The following DGKB variants were observed in gnomAD, a reference collection of about 807,000 sequenced individuals.
DGKB encodes the protein 90 kDa diacylglycerol kinase.
A neutral mutation model predicts 114.3 loss-of-function variants in DGKB; 67 were observed. The ratio of observed to expected loss-of-function variants is 0.59; its 90% confidence interval spans 0.48 to 0.72. DGKB has a LOEUF of 0.72. DGKB is among the 30% of genes least tolerant of loss of function. The pLI is 0.00. For missense variants in DGKB, 907 were observed against 975.2 expected, an observed-to-expected ratio of 0.93 and a Z score of 0.93; for synonymous variants, 398 against 323.1, an observed-to-expected ratio of 1.23 and a Z score of -2.49.
intron 25 of DGKB, chr7:14,176,276 T>A: frequency 1.1e-6 from 1 of 941,696 alleles, no homozygotes; most frequent in African/African-American, 1.8e-5. Flanking sequence ...AATAAAATAT[T>A]CACTATGCAA....
chr7:14,659,804 T>C (rs975966278), intron 13 of DGKB, among the ~76,000 whole-genome samples: 4 of 151,292 alleles, frequency 2.6e-5, no homozygotes, highest in Admixed American at 6.6e-5. Context: ...CATCCCTGTC[T>C]TGTGCCAGTT....
At chr7:14,378,404 A>G (rs1459587446) in intron 21 of DGKB, among the ~76,000 whole-genome samples, 1 of 152,230 alleles carries the variant, frequency 6.6e-6, no homozygotes, top group African/African-American at 2.4e-5. Flanking sequence ...ATGATTATGT[A>G]AGATGCTAAC....
chr7:14,660,528 T>C (rs1053752289), intron 13 of DGKB, among the ~76,000 whole-genome samples: 1 of 152,106 alleles, frequency 6.6e-6, no homozygotes, highest in Non-Finnish European at 1.5e-5. Flanking sequence ...CAGTATTCTC[T>C]GATGGTAGTT....
intron 23 of DGKB, among the ~76,000 whole-genome samples, chr7:14,202,341 C>G (rs1786028015): frequency 6.6e-6 from 1 of 151,910 alleles, no homozygotes; most frequent in Non-Finnish European, 1.5e-5. Flanking sequence ...CCCATGATAT[C>G]ATAATTCCTC....
At chr7:14,196,635 C>G (rs1298440342) in intron 23 of DGKB, among the ~76,000 whole-genome samples, 1 of 152,016 alleles carries the variant, frequency 6.6e-6, no homozygotes, top group Non-Finnish European at 1.5e-5. Flanking sequence ...AATACAATCT[C>G]CTTTGTCATT....
At chr7:14,775,946 G>T (rs1838103986) in intron 2 of DGKB, among the ~76,000 whole-genome samples, 1 of 152,102 alleles carries the variant, frequency 6.6e-6, no homozygotes, top group Non-Finnish European at 1.5e-5. Flanking sequence ...GCTCAGAGAA[G>T]TCAGAAGAAT....
At position 14,681,110 on chromosome 7, in the gene DGKB, CAA is replaced by C. The variant is rs11350983; in HGVS notation, c.1035+1441_1035+1442del. 6.8e-4 allele frequency among the ~76,000 whole-genome samples: 96 copies of C among 140,248 alleles called. 1 individual carries two copies. Among genetic ancestry groups the C allele is most frequent in the East Asian group, 8.0e-4 (4 of 5,002 alleles). 92.0% of individuals were successfully genotyped at this position (140,248 alleles called of 152,430 possible). ...ATGACATATGTTTGTAAATGCTTAG[CAA>C]AAAAAAAAACTGGTTTTTAAAAATC... On this transcript the variant is annotated intron_variant, in intron 12 of 25. Transcript: ENST00000402815.
At chr7:14,359,535 C>A (rs1419705922) in intron 21 of DGKB, among the ~76,000 whole-genome samples, 3 of 151,486 alleles carry the variant, frequency 2.0e-5, no homozygotes, top group Non-Finnish European at 3.0e-5. Context: ...AGGCAACCTA[C>A]AGAATGGGAG....
chr7:14,825,858 T>A (rs966975866), intron 2 of DGKB, among the ~76,000 whole-genome samples: 14 of 152,166 alleles, frequency 9.2e-5, no homozygotes, highest in Non-Finnish European at 4.4e-5. Flanking sequence ...AGCTCTTACC[T>A]CTGTATTATA....
chr7:14,481,761 T>C (rs1215290557), intron 20 of DGKB, among the ~76,000 whole-genome samples: 1 of 151,996 alleles, frequency 6.6e-6, no homozygotes, highest in African/African-American at 2.4e-5. Flanking sequence ...TCTCTCCCTG[T>C]GTGCAAACTT....
chr7:14,642,217 A>T (rs529582556), intron 13 of DGKB, among the ~76,000 whole-genome samples: 20 of 152,204 alleles, frequency 1.3e-4, no homozygotes, highest in African/African-American at 4.6e-4. Flanking sequence ...GTTTCTTTCA[A>T]GTCAGTGCAT....
At chr7:14,809,911 A>G (rs1027860924) in intron 2 of DGKB, among the ~76,000 whole-genome samples, 2 of 152,226 alleles carry the variant, frequency 1.3e-5, no homozygotes, top group African/African-American at 4.8e-5. Flanking sequence ...TTGCACAAAC[A>G]AGAAAAATAT....
Position 14,366,807 on chromosome 7 carries a change from C to G in DGKB, c.1836-21416G>C, listed in dbSNP as rs147582728. On this transcript the variant is annotated intron_variant, in intron 21 of 25. Coordinates refer to ENST00000402815, the MANE Select transcript of DGKB (RefSeq NM_001350709.2). Reference sequence around the variant, plus strand: ...AGTATCAGATTTGAGCTTCAATTTTCTTCAAAGATTTTCTCTGCAAAGGAA... The same window carrying G: ...AGTATCAGATTTGAGCTTCAATTTTGTTCAAAGATTTTCTCTGCAAAGGAA... Among the ~76,000 whole-genome samples the G allele has an allele frequency of 8.0e-3, 1,223 of 152,162 alleles. 18 individuals are homozygous for G. Among genetic ancestry groups the G allele is most frequent in the African/African-American group, 0.028 (1,164 of 41,534 alleles).
chr7:14,194,140 G>C (rs1177287413), intron 23 of DGKB, among the ~76,000 whole-genome samples: 1 of 152,100 alleles, frequency 6.6e-6, no homozygotes. Flanking sequence ...ACAGTATGGA[G>C]GTTCCCCAAA....
chr7:14,233,836 C>T (rs149928540), intron 23 of DGKB, among the ~76,000 whole-genome samples: 1 of 152,124 alleles, frequency 6.6e-6, no homozygotes, highest in Admixed American at 6.6e-5. Flanking sequence ...CCCCCTCCCA[C>T]TCCACACCTA....
At chr7:14,607,574 T>C in intron 16 of DGKB, 66 bp from the exon 17 acceptor site, 1 of 633,772 alleles carries the variant, frequency 1.6e-6, no homozygotes. Flanking sequence ...AAGTAATGTC[T>C]CTCAGTGTTA....
intron 6 of DGKB, among the ~76,000 whole-genome samples, chr7:14,713,634 CTTT>C (rs34868404): frequency 6.9e-6 from 1 of 144,252 alleles, no homozygotes; most frequent in Admixed American, 6.9e-5. Context: ...CTCTCTTGGT[CTTT>C]TTTTTTTTTT....
chr7:14,182,111 C>T (rs1240243858), intron 23 of DGKB, among the ~76,000 whole-genome samples: 5 of 151,990 alleles, frequency 3.3e-5, no homozygotes, highest in Non-Finnish European at 5.9e-5. Context: ...ATAAATATCA[C>T]GTTATAGTTG....
intron 4 of DGKB, among the ~76,000 whole-genome samples, chr7:14,740,439 A>G (rs1832414847): frequency 1.3e-5 from 2 of 152,068 alleles, no homozygotes; most frequent in Non-Finnish European, 2.9e-5. Flanking sequence ...ACTCCAATTC[A>G]CAGGACACCC....
Sources: allele counts gnomAD v4.1 joint callset (sites outside exome capture counted in the v4.1 genomes callset), GRCh38; gene constraint gnomAD v4.1.1; transcripts MANE v1.5; gene names NCBI Gene and HGNC (gene_info 2026-07-23, HGNC 2026-07-21).